The following GALNTL6 variants were observed in gnomAD, a reference collection of about 807,000 sequenced individuals.
The protein encoded by GALNTL6 is polypeptide N-acetylgalactosaminyltransferase like 6, also known as polypeptide N-acetylgalactosaminyltransferase-like 6.
Under a neutral mutation model 73.7 loss-of-function variants are expected in GALNTL6, and 46 were observed. The observed-to-expected ratio is 0.62, with a 90% CI of 0.49 to 0.80. GALNTL6 has a LOEUF of 0.80. Ranked by LOEUF, GALNTL6 falls within the 30% of genes least tolerant of loss-of-function variation. GALNTL6 has a pLI of 0.00. For synonymous variants in GALNTL6, 259 were observed against 263.7 expected (o/e 0.98, Z 0.17); for missense variants, 604 against 755.0 (o/e 0.80, Z 2.34).
At chr4:171,958,114 C>T (rs905147315) in intron 2 of GALNTL6, among the ~76,000 whole-genome samples, 4 of 152,148 alleles carry the variant, frequency 2.6e-5, no homozygotes, top group South Asian at 2.1e-4. Flanking sequence ...CAGTTTGAAA[C>T]CTCTCACTGC....
intron 5 of GALNTL6, among the ~76,000 whole-genome samples, chr4:172,657,900 C>T (rs1158169530): frequency 2.0e-5 from 3 of 152,050 alleles, no homozygotes; most frequent in Non-Finnish European, 4.4e-5. Flanking sequence ...CCTGTAATCC[C>T]AGCACTTTGG....
chr4:172,802,674 A>C (rs1740715443), intron 5 of GALNTL6, among the ~76,000 whole-genome samples: 2 of 152,124 alleles, frequency 1.3e-5, no homozygotes, highest in Non-Finnish European at 2.9e-5. Flanking sequence ...ATGGTGGTGC[A>C]TGGTTGTAGT....
intron 2 of GALNTL6, among the ~76,000 whole-genome samples, chr4:172,119,430 TA>T (rs1322525125): frequency 1.2e-4 from 19 of 152,336 alleles, no homozygotes; most frequent in Non-Finnish European, 1.2e-4. Context: ...CAATGCACTC[TA>T]GTACATTCAG....
chr4:172,600,048 A>G (rs1000303044), intron 5 of GALNTL6, among the ~76,000 whole-genome samples: 5 of 152,134 alleles, frequency 3.3e-5, no homozygotes, highest in African/African-American at 9.7e-5. Context: ...CTAAATCCTG[A>G]CCTTGTTCCA....
intron 5 of GALNTL6, among the ~76,000 whole-genome samples, chr4:172,776,451 G>C (rs944624266): frequency 2.6e-5 from 4 of 152,168 alleles, no homozygotes; most frequent in African/African-American, 9.7e-5. Context: ...GCATTGACTA[G>C]CTAAAGAGGG....
intron 5 of GALNTL6, among the ~76,000 whole-genome samples, chr4:172,430,094 T>C (rs1186760102): frequency 6.6e-6 from 1 of 151,736 alleles, no homozygotes; most frequent in East Asian, 1.9e-4. Flanking sequence ...TATATATACA[T>C]ATATATATCT....
At chr4:172,550,015 G>A (rs1439755165) in intron 5 of GALNTL6, among the ~76,000 whole-genome samples, 1 of 152,066 alleles carries the variant, frequency 6.6e-6, no homozygotes. Flanking sequence ...CCACAGTAAA[G>A]TTTCATCATA....
intron 4 of GALNTL6, among the ~76,000 whole-genome samples, chr4:172,335,037 G>C (rs1011427750): frequency 6.6e-5 from 10 of 150,458 alleles, no homozygotes; most frequent in Non-Finnish European, 8.8e-5. Context: ...CTGGAGTGCA[G>C]TGGCACGATC....
intron 5 of GALNTL6, among the ~76,000 whole-genome samples, chr4:172,768,924 G>A (rs1579457001): frequency 6.6e-6 from 1 of 151,984 alleles, no homozygotes; most frequent in Non-Finnish European, 1.5e-5. Flanking sequence ...TCCTGTCTCA[G>A]TGGAGTTCAG....
At position 172,931,145 on chromosome 4, in the gene GALNTL6, A is replaced by G. The variant is rs144646886; in HGVS notation, c.1042-16A>G. On this transcript the variant is annotated splice_polypyrimidine_tract_variant and intron_variant, in intron 8 of 12. Coordinates refer to ENST00000506823, the MANE Select transcript of GALNTL6 (RefSeq NM_001034845.3). The stretch of plus-strand genomic sequence containing the variant: ...GAAATTCACTGTTGTCTTTTGTTCT[A>G]TTTTTCCCTCTTCAGGTTTGGATGT... 2,608 of 1,399,852 alleles carry G rather than the reference A, an allele frequency of 1.9e-3. 8 individuals carry two copies. Among genetic ancestry groups the G allele is most frequent in the South Asian group, 4.3e-3 (369 of 86,774 alleles). 86.7% of individuals were successfully genotyped at this position (1,399,852 alleles called of 1,614,324 possible). A position where few individuals can be genotyped will look rare whatever the true frequency, so the allele number is the denominator to read the frequency against.
intron 9 of GALNTL6, among the ~76,000 whole-genome samples, chr4:172,936,402 A>C (rs1055879477): frequency 1.3e-5 from 2 of 152,056 alleles, no homozygotes; most frequent in Non-Finnish European, 2.9e-5. Context: ...CCACTCCAAC[A>C]TAGTATTGGA....
intron 5 of GALNTL6, among the ~76,000 whole-genome samples, chr4:172,588,830 C>T (rs763324388): frequency 3.9e-5 from 6 of 152,172 alleles, no homozygotes; most frequent in East Asian, 1.9e-4. Flanking sequence ...GAAACAGATC[C>T]GCAGCTCTGG....
chr4:172,137,186 C>A (rs1733660892), intron 2 of GALNTL6, among the ~76,000 whole-genome samples: 1 of 152,018 alleles, frequency 6.6e-6, no homozygotes, highest in South Asian at 2.1e-4. Context: ...ACATTAGGAA[C>A]AATTAATACT....
chr4:172,899,537 G>T (rs1166901388), intron 8 of GALNTL6, among the ~76,000 whole-genome samples: 1 of 152,122 alleles, frequency 6.6e-6, no homozygotes, highest in Non-Finnish European at 1.5e-5. Flanking sequence ...GCAGGAGGTA[G>T]TACTGATAGT....
At chr4:172,419,437 T>C (rs147888229) in intron 5 of GALNTL6, among the ~76,000 whole-genome samples, 11 of 152,304 alleles carry the variant, frequency 7.2e-5, no homozygotes, top group Non-Finnish European at 1.5e-4. Context: ...TTATTGGATA[T>C]TTTCGATTTC....
At chr4:172,466,076 G>A (rs1273125302) in intron 5 of GALNTL6, among the ~76,000 whole-genome samples, 3 of 152,100 alleles carry the variant, frequency 2.0e-5, no homozygotes. Flanking sequence ...GTCATAAAAT[G>A]CGTCTTTAAT....
chr4:172,002,838 A>G (rs1247736778), intron 2 of GALNTL6, among the ~76,000 whole-genome samples: 1 of 152,138 alleles, frequency 6.6e-6, no homozygotes, highest in Non-Finnish European at 1.5e-5. Flanking sequence ...CACGTGTTAT[A>G]AGAGGTGGAG....
At chr4:172,873,785 G>A (rs1047738629) in intron 7 of GALNTL6, among the ~76,000 whole-genome samples, 1 of 152,034 alleles carries the variant, frequency 6.6e-6, no homozygotes, top group Non-Finnish European at 1.5e-5. Context: ...AAGAAATTAA[G>A]GTCATTAAGC....
chr4:172,769,211 A>G (rs189419647), intron 5 of GALNTL6, among the ~76,000 whole-genome samples: 332 of 152,252 alleles, frequency 2.2e-3, no homozygotes, highest in African/African-American at 7.8e-3. Context: ...AGAGTAGCAC[A>G]ATCAAGGCAG....
Sources: allele counts gnomAD v4.1 joint callset (sites outside exome capture counted in the v4.1 genomes callset), GRCh38; gene constraint gnomAD v4.1.1; transcripts MANE v1.5; gene names NCBI Gene and HGNC (gene_info 2026-07-23, HGNC 2026-07-21).